The following STARD3NL variants were observed in gnomAD, a reference collection of about 807,000 sequenced individuals.
The protein encoded by STARD3NL is STARD3 N-terminal like.
In STARD3NL, 17 loss-of-function variants were observed where a neutral mutation model predicts 30.9. That is an observed-to-expected ratio of 0.55 (90% confidence interval 0.38 to 0.82). The LOEUF is 0.82. STARD3NL is among the 40% of genes least tolerant of loss of function. The pLI is 0.00. For missense variants in STARD3NL, 234 were observed against 277.6 expected (o/e 0.84, Z 1.12); for synonymous variants, 112 against 100.5 (o/e 1.11, Z -0.69).
At chr7:38,215,185 G>A in intron 4 of STARD3NL, 80 bp downstream of exon 4, 2 of 1,359,016 alleles carry the variant, frequency 1.5e-6, no homozygotes, top group South Asian at 2.4e-5. Context: ...TGGGCTGGGA[G>A]AAGATACAGT....
chr7:38,186,235 CTAA>C (rs1448226891), intron 1 of STARD3NL, among the ~76,000 whole-genome samples: 3 of 152,094 alleles, frequency 2.0e-5, no homozygotes, highest in Non-Finnish European at 4.4e-5. Flanking sequence ...GTTGACAGAA[CTAA>C]TGAGTCAAAA....
intron 1 of STARD3NL, among the ~76,000 whole-genome samples, chr7:38,195,206 G>A (rs1334598906): frequency 1.3e-5 from 2 of 152,084 alleles, no homozygotes; most frequent in East Asian, 1.9e-4. Context: ...ACAGGCGCAC[G>A]TCACCATGCT....
At chr7:38,216,482 T>A (rs867865441) in intron 4 of STARD3NL, 24 of 148,138 alleles carry the variant, frequency 1.6e-4, no homozygotes, top group African/African-American at 3.0e-4. Context: ...TGTGTGTGTG[T>A]GAGTGTGTGT....
chr7:38,211,984 T>G lies in STARD3NL; in HGVS notation c.226-2373T>G, dbSNP rs903228514. On this transcript the variant is annotated intron_variant, in intron 2 of 8. Transcript: ENST00000009041. ...ACTGTTTCCCTTCTTTTCCACTGTTTCCCTTTCTTTTCCACTGTTTCCAGC... is the reference window on the plus strand; with the variant it reads ...ACTGTTTCCCTTCTTTTCCACTGTTGCCCTTTCTTTTCCACTGTTTCCAGC... 5.3e-5 allele frequency among the ~76,000 whole-genome samples: 8 copies of G among 152,282 alleles called. No homozygotes were observed. In the South Asian group the frequency reaches 1.7e-3, roughly 32 times the overall value.
At chr7:38,203,810 A>G (rs1199571258) in intron 1 of STARD3NL, among the ~76,000 whole-genome samples, 1 of 152,212 alleles carries the variant, frequency 6.6e-6, no homozygotes, top group Non-Finnish European at 1.5e-5. Context: ...GAAAACAAAA[A>G]AAGGCAGGGG....
chr7:38,197,671 A>G (rs1289073783), intron 1 of STARD3NL, among the ~76,000 whole-genome samples: 2 of 152,238 alleles, frequency 1.3e-5, no homozygotes, highest in Non-Finnish European at 2.9e-5. Flanking sequence ...TTAGCATGCC[A>G]TAATGTTCCT....
chr7:38,222,734 C>A (rs1021001917), intron 7 of STARD3NL, among the ~76,000 whole-genome samples: 2 of 152,104 alleles, frequency 1.3e-5, no homozygotes, highest in Non-Finnish European at 2.9e-5. Flanking sequence ...TAAACAAAAA[C>A]AAAACATTTT....
chr7:38,229,804 C>T (rs534031840), intron 8 of STARD3NL, 119 bp from the exon 9 acceptor site: 15 of 152,330 alleles, frequency 9.8e-5, no homozygotes, highest in East Asian at 5.8e-4. Flanking sequence ...CATGGTCCTT[C>T]GTGTGTCTGT....
chr7:38,228,118 C>T (rs1218884660), intron 7 of STARD3NL, among the ~76,000 whole-genome samples: 1 of 152,096 alleles, frequency 6.6e-6, no homozygotes, highest in East Asian at 1.9e-4. Flanking sequence ...GTTATAAATT[C>T]TATATAACCA....
At chr7:38,198,464 G>T (rs1785025897) in intron 1 of STARD3NL, 1 of 152,254 alleles carries the variant, frequency 6.6e-6, no homozygotes, top group Admixed American at 6.5e-5. Flanking sequence ...TAGCAGTTAA[G>T]TCAGTATCTT....
chr7:38,207,940 G>A (rs1049425019), intron 2 of STARD3NL, among the ~76,000 whole-genome samples: 6 of 152,168 alleles, frequency 3.9e-5, no homozygotes, highest in African/African-American at 1.4e-4. Flanking sequence ...CATGTTGTCT[G>A]GGGTTTTGAA....
At position 38,186,310 on chromosome 7, in the gene STARD3NL, TGA is replaced by T. The variant is rs142575741; in HGVS notation, c.-59+7891_-59+7892del. On this transcript the variant is annotated intron_variant, in intron 1 of 8. Transcript: ENST00000009041. ...GGTATTTTATAACTGATGTATTGTG[TGA>T]TTTTTTAGGACGGCTAAAAGTAGAT... Among the ~76,000 whole-genome samples the T allele has an allele frequency of 9.1e-4, 139 of 152,340 alleles. 1 individual carries two copies. Among genetic ancestry groups the T allele is most frequent in the African/African-American group, 3.3e-3 (137 of 41,580 alleles).
intron 1 of STARD3NL, among the ~76,000 whole-genome samples, chr7:38,192,714 G>A (rs891371226): frequency 1.2e-4 from 18 of 152,058 alleles, no homozygotes; most frequent in Non-Finnish European, 1.6e-4. Context: ...CTAAAAAATC[G>A]GCTGCTGTCA....
chr7:38,187,269 G>A (rs977841327), intron 1 of STARD3NL, among the ~76,000 whole-genome samples: 6 of 152,208 alleles, frequency 3.9e-5, no homozygotes, highest in African/African-American at 1.2e-4. Flanking sequence ...TTGCCAACCT[G>A]TAGTCTATGG....
intron 2 of STARD3NL, among the ~76,000 whole-genome samples, chr7:38,211,827 C>T (rs767861803): frequency 1.3e-4 from 20 of 152,166 alleles, no homozygotes; most frequent in Non-Finnish European, 2.5e-4. Context: ...AACATGAAAA[C>T]GCATTTTGAT....
In STARD3NL at chr7:38,178,263, TC is replaced by T. The variant is rs1237860724; in HGVS notation, c.-213del. On this transcript the variant is annotated 5_prime_UTR_variant, in exon 1 of 9. Transcript: ENST00000009041. ...GCGTGCTGACGTCACGGGCCGGAGG[TC>T]CCGGGGCTGCTGGGTGCGGGCGGTG... 6.6e-6 allele frequency: 1 copy of T among 152,066 alleles called. No individual in the cohort carries two copies. Among genetic ancestry groups the T allele is most frequent in the Admixed American group, 6.5e-5 (1 of 15,286 alleles). 9.4% of individuals were successfully genotyped at this position (152,066 alleles called of 1,614,324 possible).
At chr7:38,196,134 C>A (rs1409928102) in intron 1 of STARD3NL, among the ~76,000 whole-genome samples, 1 of 152,140 alleles carries the variant, frequency 6.6e-6, no homozygotes, top group Non-Finnish European at 1.5e-5. Context: ...ACATCTTAAT[C>A]AGAAACATGG....
intron 1 of STARD3NL, among the ~76,000 whole-genome samples, chr7:38,187,672 A>T (rs1784519011): frequency 6.6e-6 from 1 of 151,866 alleles, no homozygotes. Context: ...GAACATTCTT[A>T]TTTCTGCCTA....
chr7:38,179,959 T>C (rs1009316137), intron 1 of STARD3NL, among the ~76,000 whole-genome samples: 3 of 152,194 alleles, frequency 2.0e-5, no homozygotes, highest in Non-Finnish European at 4.4e-5. Context: ...GGGAAGCCCG[T>C]GTGGCTGGAG....
Sources: allele counts gnomAD v4.1 joint callset (sites outside exome capture counted in the v4.1 genomes callset), GRCh38; gene constraint gnomAD v4.1.1; transcripts MANE v1.5; gene names NCBI Gene and HGNC (gene_info 2026-07-23, HGNC 2026-07-21).